Variants in TTC28 observed in about 807,000 individuals in gnomAD.
TTC28 encodes tetratricopeptide repeat protein 28.
In TTC28, 61 loss-of-function variants were observed where a neutral mutation model predicts 198.0. The observed-to-expected ratio is 0.31, with a 90% confidence interval of 0.25 to 0.38. TTC28 has a LOEUF of 0.38. TTC28 is among the 10% of genes least tolerant of loss of function. The pLI, the probability that TTC28 is intolerant of heterozygous loss-of-function variation, is 1.00. For synonymous variants in TTC28, 1,171 were observed against 1,297.8 expected, an observed-to-expected ratio of 0.90 and a Z score of 2.10; for missense variants, 2,678 against 3,164.0, an observed-to-expected ratio of 0.85 and a Z score of 3.69.
intron 5 of TTC28, among the ~76,000 whole-genome samples, chr22:28,278,057 CTTTTAA>C (rs1253897447): frequency 6.6e-6 from 1 of 152,076 alleles, no homozygotes; most frequent in African/African-American, 2.4e-5. Flanking sequence ...GTTTCTCAGT[CTTTTAA>C]TTTTGATTCT....
chr22:28,069,352 G>C (rs542506025), intron 12 of TTC28, among the ~76,000 whole-genome samples: 41 of 152,220 alleles, frequency 2.7e-4, no homozygotes, highest in African/African-American at 9.6e-4. Flanking sequence ...TCAGCACCTT[G>C]GAGGATGTTG....
intron 2 of TTC28, among the ~76,000 whole-genome samples, chr22:28,407,473 C>T (rs931395223): frequency 1.3e-5 from 1 of 77,140 alleles, no homozygotes; most frequent in African/African-American, 5.9e-5. Context: ...CATGCGTGCG[C>T]ACACACACAC....
chr22:28,294,688 C>T (rs1319871686), intron 5 of TTC28, among the ~76,000 whole-genome samples: 1 of 152,032 alleles, frequency 6.6e-6, no homozygotes, highest in Admixed American at 6.6e-5. Flanking sequence ...CCTGCCTCAG[C>T]CTCCCAAGTA....
intron 2 of TTC28, among the ~76,000 whole-genome samples, chr22:28,342,504 C>G (rs1208038586): frequency 2.0e-5 from 3 of 152,086 alleles, no homozygotes; most frequent in Non-Finnish European, 4.4e-5. Flanking sequence ...TTTCACAAAA[C>G]TTGAAATTCA....
At chr22:28,460,349 G>T (rs544960554) in intron 2 of TTC28, among the ~76,000 whole-genome samples, 21 of 151,892 alleles carry the variant, frequency 1.4e-4, no homozygotes, top group Admixed American at 7.2e-4. Flanking sequence ...GAGATAGAAG[G>T]ATATAAAATA....
chr22:28,201,684 A>G (rs1331590777), intron 5 of TTC28, among the ~76,000 whole-genome samples: 1 of 151,292 alleles, frequency 6.6e-6, no homozygotes, highest in Non-Finnish European at 1.5e-5. Flanking sequence ...AATATAAAAG[A>G]CTGAAATAAG....
chr22:28,264,388 G>A (rs943943322), intron 5 of TTC28, among the ~76,000 whole-genome samples: 3 of 152,030 alleles, frequency 2.0e-5, no homozygotes, highest in Non-Finnish European at 1.5e-5. Context: ...ACCCATTCTC[G>A]AGTATTTCTT....
chr22:28,620,654 C>G (rs1286652037), intron 2 of TTC28, among the ~76,000 whole-genome samples: 5 of 152,274 alleles, frequency 3.3e-5, no homozygotes, highest in African/African-American at 1.2e-4. Context: ...TAGAAGTGGT[C>G]CAGTCAAAGC....
chr22:28,007,964 G>A (rs1301847674), intron 14 of TTC28: 2 of 152,120 alleles, frequency 1.3e-5, no homozygotes, highest in African/African-American at 2.4e-5. Context: ...TATCACTACA[G>A]ATGTCTCAAT....
At chr22:28,553,870 G>A (rs1273974200) in intron 2 of TTC28, among the ~76,000 whole-genome samples, 4 of 152,282 alleles carry the variant, frequency 2.6e-5, no homozygotes, top group African/African-American at 7.2e-5. Context: ...CGTCTGGGAG[G>A]TGTGCCCAGC....
intron 2 of TTC28, among the ~76,000 whole-genome samples, chr22:28,455,713 CAAAAA>C (rs747031430): frequency 8.2e-6 from 1 of 121,940 alleles, no homozygotes. Context: ...GACTCTTTCC[CAAAAA>C]AAAAAAAAAA....
intron 12 of TTC28, among the ~76,000 whole-genome samples, chr22:28,040,733 T>G (rs576848720): frequency 6.6e-6 from 1 of 152,176 alleles, no homozygotes; most frequent in African/African-American, 2.4e-5. Flanking sequence ...AAGTTCTGGC[T>G]GGGGCAATCA....
intron 5 of TTC28, among the ~76,000 whole-genome samples, chr22:28,248,494 A>G (rs754847417): frequency 1.3e-5 from 2 of 152,216 alleles, no homozygotes; most frequent in Non-Finnish European, 2.9e-5. Context: ...AAGATAACCA[A>G]TATGCACCCT....
intron 1 of TTC28, among the ~76,000 whole-genome samples, chr22:28,636,969 T>C (rs920534782): frequency 3.0e-4 from 45 of 151,852 alleles, no homozygotes; most frequent in Admixed American, 6.6e-4. Flanking sequence ...TTCCCCCATG[T>C]TTTCTTCTAG....
At chr22:28,014,104 C>T in intron 14 of TTC28, 144 bp downstream of exon 14, 1 of 1,045,808 alleles carries the variant, frequency 9.6e-7, no homozygotes, top group Admixed American at 3.2e-5. Context: ...CACTGAGAAG[C>T]TGGACAGAGC....
rs913932161 is a variant in TTC28, at chr22:27,996,207, G to A, written c.5172C>T (p.Ile1724=). 1.3e-5 allele frequency: 20 copies of A among 1,551,252 alleles called. No homozygotes were observed. The highest frequency in any genetic ancestry group is 5.9e-5 in the Admixed American group (3 of 51,012). The change falls in exon 17 of 23, where the codon ATC becomes ATT. Residue 1724 remains isoleucine (I), a synonymous_variant. Coordinates refer to ENST00000397906, the MANE Select transcript of TTC28 (RefSeq NM_001145418.2). ...DVKLNSPSSL[I]GQALTEILQH... ...GCAGGATCTCTGTGAGGGCCTGGCC[G>A]ATGAGTGATGAGGGGCTGTTCAGCT...
intron 1 of TTC28, among the ~76,000 whole-genome samples, chr22:28,657,038 G>A (rs1338051512): frequency 6.6e-6 from 1 of 152,166 alleles, no homozygotes; most frequent in Non-Finnish European, 1.5e-5. Flanking sequence ...AGAAAAAATA[G>A]TATACAGGTA....
intron 2 of TTC28, among the ~76,000 whole-genome samples, chr22:28,340,452 A>G (rs976191797): frequency 6.7e-6 from 1 of 149,910 alleles, no homozygotes; most frequent in African/African-American, 2.5e-5. Context: ...CTTTTCAAAC[A>G]TTTTTTTCCT....
At chr22:28,272,446 G>T (rs1291168344) in intron 5 of TTC28, among the ~76,000 whole-genome samples, 1 of 152,148 alleles carries the variant, frequency 6.6e-6, no homozygotes, top group Non-Finnish European at 1.5e-5. Context: ...CCTCAGGTAG[G>T]TATCTCTATC....
Sources: gnomAD v4.1 joint callset for allele counts (sites outside exome capture counted in the v4.1 genomes callset) on GRCh38, gnomAD v4.1.1 for gene constraint, MANE v1.5 for transcripts, NCBI Gene and HGNC (gene_info 2026-07-23, HGNC 2026-07-21) for gene names.